CLCA1: variants seen among roughly 807,000 people sequenced by gnomAD.
CLCA1 encodes the protein chloride channel accessory 1, also known as calcium-activated chloride channel regulator 1.
A neutral mutation model predicts 85.6 loss-of-function variants in CLCA1; 59 were observed. The ratio of observed to expected loss-of-function variants is 0.69; its 90% CI spans 0.56 to 0.86. The LOEUF is 0.86. Ranked by LOEUF, CLCA1 falls within the 40% of genes least tolerant of loss-of-function variation. The pLI, the probability that CLCA1 is intolerant of heterozygous loss-of-function variation, is 0.00. For synonymous variants in CLCA1, 396 were observed against 398.3 expected, an observed-to-expected ratio of 0.99 and a Z score of 0.07; for missense variants, 1,022 against 1,101.4, an observed-to-expected ratio of 0.93 and a Z score of 1.02.
chr1:86,477,731 T>C (rs1187441076), intron 4 of CLCA1, among the ~76,000 whole-genome samples: 2 of 152,134 alleles, frequency 1.3e-5, no homozygotes, highest in Non-Finnish European at 1.5e-5. Flanking sequence ...TCCAAAAATG[T>C]TGTAATAGTA....
In CLCA1 at chr1:86,485,515, G is replaced by C; in HGVS notation, c.908G>C (p.Gly303Ala). The C allele has an allele frequency of 6.2e-7, 1 of 1,614,162 alleles. No homozygotes were observed. The highest frequency in any genetic ancestry group is 8.5e-7 in the Non-Finnish European group (1 of 1,180,016). The change falls in exon 6 of 14, where the codon GGA becomes GCA. Residue 303 changes from glycine (G) to alanine (A), a missense_variant. Coordinates refer to ENST00000394711, the MANE Select transcript of CLCA1 (RefSeq NM_001285.4). ...CCCACCTTCTCATTGCTGCAGATTG[G>C]ACAAAGAATTGTGTGTTTAGTCCTT... ...PNPTFSLLQI[G>A]QRIVCLVLDK... is the part of the protein sequence containing the mutation.
At chr1:86,496,613 TC>T (rs1160650311) in intron 12 of CLCA1, among the ~76,000 whole-genome samples, 2 of 152,186 alleles carry the variant, frequency 1.3e-5, no homozygotes, top group African/African-American at 4.8e-5. Flanking sequence ...GGAGAAGAGC[TC>T]CTTTGAGAAC....
intron 10 of CLCA1, 29 bp from the exon 11 acceptor site, chr1:86,494,157 AT>A: frequency 6.2e-7 from 1 of 1,611,070 alleles, no homozygotes; most frequent in Non-Finnish European, 8.5e-7. Flanking sequence ...GAAGTTATTC[AT>A]TGGAAATGTT....
At position 86,499,924 on chromosome 1, in the gene CLCA1, C is replaced by G; in HGVS notation, c.2624C>G (p.Pro875Arg). 6.2e-7 allele frequency: 1 copy of G among 1,613,932 alleles called. No homozygotes were observed. Among genetic ancestry groups the G allele is most frequent in the Non-Finnish European group, 8.5e-7 (1 of 1,179,822 alleles). The change falls in exon 14 of 14, where the codon CCT becomes CGT. Residue 875 changes from proline (P) to arginine (R), a missense_variant. Transcript: ENST00000394711. ...CCTCCACAGACTCCGCCAGAGACAC[C>G]TAGTCCTGATGAAACGTCTGCTCCT... The part of the protein sequence containing the change: ...FIPPQTPPET[P>R]SPDETSAPCP...
At chr1:86,490,692 T>G (rs996884961) in intron 8 of CLCA1, among the ~76,000 whole-genome samples, 1 of 152,160 alleles carries the variant, frequency 6.6e-6, no homozygotes, top group African/African-American at 2.4e-5. Flanking sequence ...TCAAATCATA[T>G]CAGAGATTCA....
chr1:86,472,337 G>C (rs560113308), intron 1 of CLCA1, among the ~76,000 whole-genome samples: 88 of 152,150 alleles, frequency 5.8e-4, no homozygotes, highest in African/African-American at 2.0e-3. Context: ...CGATGATCAC[G>C]CCCTCCTCCC....
rs1647637081 is a variant in CLCA1, at chr1:86,476,455, A to T, written c.459A>T (p.Ala153=). Residue 153 remains alanine, a synonymous_variant, in exon 4 of 14, where the codon GCA becomes GCT. Coordinates refer to ENST00000394711, the MANE Select transcript of CLCA1 (RefSeq NM_001285.4). ...KLAEYGPQGR[A]FVHEWAHLRW... is the part of the protein sequence containing the mutation. ...TAAAATACTTTCTCACAGGTAGGGCATTTGTCCATGAGTGGGCTCATCTAC... is the reference window on the plus strand; with the variant it reads ...TAAAATACTTTCTCACAGGTAGGGCTTTTGTCCATGAGTGGGCTCATCTAC... The T allele has an allele frequency of 6.4e-7, 1 of 1,569,416 alleles. No individual in the cohort carries two copies. Among genetic ancestry groups the T allele is most frequent in the South Asian group, 1.1e-5 (1 of 89,414 alleles).
At position 86,493,608 on chromosome 1, in the gene CLCA1, T is replaced by C. The variant is rs1395147165; in HGVS notation, c.1680+9T>C. On this transcript the variant is annotated intron_variant, in intron 10 of 13. Coordinates refer to ENST00000394711, the MANE Select transcript of CLCA1 (RefSeq NM_001285.4). ...TCCCAGGCATTGCTAAGGTATGGAG[T>C]CAGCTTTTTTTCTTTCTCATAATTC... 6.3e-7 allele frequency: 1 copy of C among 1,590,836 alleles called. No homozygotes were observed. The highest frequency in any genetic ancestry group is 1.3e-5 in the African/African-American group (1 of 74,242).
Position 86,500,248 on chromosome 1 carries a change from A to C in CLCA1, c.*203A>C. 2 of 488,770 alleles carry C rather than the reference A, an allele frequency of 4.1e-6. No homozygotes were observed. The allele number at this position is 488,770 out of a possible 1,614,324, so 30.3% of individuals were successfully genotyped here. A position where few individuals can be genotyped will look rare whatever the true frequency, so the allele number is the denominator to read the frequency against. On this transcript the variant is annotated 3_prime_UTR_variant, in exon 14 of 14. Coordinates refer to ENST00000394711, the MANE Select transcript of CLCA1 (RefSeq NM_001285.4). ...TAGGGGGCGATAAAATAAAATGCTA[A>C]ACAACTGGGTATACATGCATAAAAA... is the stretch of plus-strand genomic sequence containing the variant.
In CLCA1 at chr1:86,489,081, A is replaced by C; in HGVS notation, c.1268A>C (p.Asn423Thr). 1 of 1,614,170 alleles carries C rather than the reference A, an allele frequency of 6.2e-7. No individual in the cohort carries two copies. Among genetic ancestry groups the C allele is most frequent in the East Asian group, 2.2e-5 (1 of 44,882 alleles). ...GACAACACTATAAGTGGGTGCTTTA[A>C]CGAGGTCAAACAAAGTGGTGCCATC... ...GEDNTISGCF[N>T]EVKQSGAIIH... Residue 423 changes from asparagine to threonine, a missense_variant, in exon 8 of 14, where the codon AAC (asparagine) becomes ACC (threonine). Transcript: ENST00000394711.
intron 7 of CLCA1, 34 bp from the exon 8 acceptor site, chr1:86,488,962 G>A: frequency 1.9e-6 from 3 of 1,591,904 alleles, no homozygotes; most frequent in Non-Finnish European, 2.6e-6. Context: ...GCCACCCTAA[G>A]TCTGATAACT....
chr1:86,496,104 C>T (rs1266285946), intron 12 of CLCA1, among the ~76,000 whole-genome samples: 1 of 152,166 alleles, frequency 6.6e-6, no homozygotes, highest in African/African-American at 2.4e-5. Context: ...ATAATAATGG[C>T]AGCTACCTCA....
At chr1:86,499,603 G>A (rs1558149343) in intron 13 of CLCA1, 51 bp from the exon 14 acceptor site, 1 of 1,237,970 alleles carries the variant, frequency 8.1e-7, no homozygotes, top group Non-Finnish European at 1.1e-6. Context: ...TGCTTAAGAA[G>A]TTTCTTTAAT....
At position 86,493,410 on chromosome 1, in the gene CLCA1, G is replaced by A. The variant is rs775640601; in HGVS notation, c.1491G>A (p.Gln497=). Residue 497 remains glutamine, a synonymous_variant, in exon 10 of 14, where the codon CAG becomes CAA. Transcript: ENST00000394711. The part of the protein sequence containing the change: ...IQLESKGLTL[Q]NSQWMNGTVI... ...TTGAGAGTAAGGGATTAACCCTCCA[G>A]AACAGCCAGTGGATGAATGGCACAG... 2 of 1,613,892 alleles carry A rather than the reference G, an allele frequency of 1.2e-6. No individual in the cohort carries two copies. The highest frequency in any genetic ancestry group is 1.3e-5 in the African/African-American group (1 of 74,910).
chr1:86,471,559 T>C (rs975547710), intron 1 of CLCA1, among the ~76,000 whole-genome samples: 8 of 152,214 alleles, frequency 5.3e-5, no homozygotes, highest in Admixed American at 2.6e-4. Flanking sequence ...CTGGGAGACA[T>C]TGGAAATTCA....
At chr1:86,472,465 C>T (rs1418390778) in intron 1 of CLCA1, among the ~76,000 whole-genome samples, 1 of 152,166 alleles carries the variant, frequency 6.6e-6, no homozygotes, top group East Asian at 1.9e-4. Context: ...CCCACATTCC[C>T]TGGGCTCAGT....
chr1:86,479,150 A>G lies in CLCA1; in HGVS notation c.557+2597A>G, dbSNP rs532689255. ...AGAAAACACAAGGAAATAAATTGAAATTAAAATTGACAAGGGAAGCCAATA... is the reference window on the plus strand; with the variant it reads ...AGAAAACACAAGGAAATAAATTGAAGTTAAAATTGACAAGGGAAGCCAATA... On this transcript the variant is annotated intron_variant, in intron 4 of 13. Transcript: ENST00000394711. Among the ~76,000 whole-genome samples the G allele has an allele frequency of 6.6e-4, 101 of 152,360 alleles. 2 individuals are homozygous for G. The Middle Eastern group carries it at 0.02, about 31-fold the overall frequency.
intron 12 of CLCA1, among the ~76,000 whole-genome samples, chr1:86,497,337 C>G (rs1438695375): frequency 1.3e-5 from 2 of 152,082 alleles, no homozygotes; most frequent in South Asian, 4.1e-4. Flanking sequence ...TTGCCAAGAC[C>G]AGATTAATGG....
intron 1 of CLCA1, among the ~76,000 whole-genome samples, chr1:86,472,289 G>T (rs1013966148): frequency 6.6e-6 from 1 of 152,070 alleles, no homozygotes. Context: ...TCAGTTCTTA[G>T]TCCTCATATG....
Sources: allele counts gnomAD v4.1 joint callset (sites outside exome capture counted in the v4.1 genomes callset), GRCh38; gene constraint gnomAD v4.1.1; transcripts MANE v1.5; gene names NCBI Gene and HGNC (gene_info 2026-07-23, HGNC 2026-07-21).